SLC8A3: variants seen among roughly 807,000 people sequenced by gnomAD.
The protein encoded by SLC8A3 is sodium/calcium exchanger 3.
In SLC8A3, 37 loss-of-function variants were observed where a neutral mutation model predicts 65.4. The ratio of observed to expected loss-of-function variants is 0.57; its 90% CI spans 0.44 to 0.74. SLC8A3 has a LOEUF of 0.74. Among genes scored for constraint, SLC8A3 ranks in the 30% least tolerant of loss-of-function variants. SLC8A3 has a pLI of 0.00. For synonymous variants in SLC8A3, 461 were observed against 444.5 expected (o/e 1.04, Z -0.47); for missense variants, 1,112 against 1,172.1 (o/e 0.95, Z 0.75).
intron 3 of SLC8A3, chr14:70,055,690 T>G: frequency 1.1e-6 from 1 of 895,486 alleles, no homozygotes; most frequent in Non-Finnish European, 1.7e-6. Context: ...TCAGGTTAAC[T>G]TGAGCCTGCA....
chr14:70,142,112 G>T (rs1007202568), intron 2 of SLC8A3, among the ~76,000 whole-genome samples: 2 of 152,222 alleles, frequency 1.3e-5, no homozygotes, highest in Admixed American at 6.5e-5. Flanking sequence ...AAATCAGAAG[G>T]GTGAGACCCA....
intron 6 of SLC8A3, 190 bp downstream of exon 6, chr14:70,048,577 T>C (rs1887065981): frequency 2.9e-6 from 2 of 685,112 alleles, no homozygotes; most frequent in Non-Finnish European, 5.3e-6. Context: ...ACATTGAAAG[T>C]GCTCAAGAAA....
chr14:70,170,971 A>G (rs1265345544), intron 1 of SLC8A3, among the ~76,000 whole-genome samples: 1 of 152,220 alleles, frequency 6.6e-6, no homozygotes, highest in East Asian at 1.9e-4. Context: ...TCAAAGGTTA[A>G]GAAAGCTCTT....
At chr14:70,055,590 G>T (rs1426616323) in intron 3 of SLC8A3, among the ~76,000 whole-genome samples, 1 of 152,186 alleles carries the variant, frequency 6.6e-6, no homozygotes, top group Admixed American at 6.5e-5. Flanking sequence ...CCAGACAGAA[G>T]TGATGCTCAA....
At chr14:70,130,296 G>A (rs557833463) in intron 2 of SLC8A3, among the ~76,000 whole-genome samples, 37 of 152,276 alleles carry the variant, frequency 2.4e-4, no homozygotes, top group South Asian at 2.1e-4. Context: ...CTCACCTGAC[G>A]TTCACCTGCT....
At position 70,167,761 on chromosome 14, in the gene SLC8A3, A is replaced by G; in HGVS notation, c.662T>C (p.Leu221Pro). The change falls in exon 2 of 7, where the codon CTG (leucine) becomes CCG (proline). Residue 221 changes from leucine to proline, a missense_variant. Coordinates refer to ENST00000356921, the MANE Select transcript of SLC8A3 (RefSeq NM_182932.3). The part of the protein sequence containing the change: ...IFAYIWLYMI[L>P]AVFSPGVVQV... ...GACCACACCAGGGGAGAAGACTGCC[A>G]GAATCATATAGAGCCAGATGTAGGC... is the stretch of plus-strand genomic sequence containing the variant. The G allele has an allele frequency of 6.2e-7, 1 of 1,614,212 alleles. No homozygotes were observed. Among genetic ancestry groups the G allele is most frequent in the Non-Finnish European group, 8.5e-7 (1 of 1,180,040 alleles).
At chr14:70,161,059 A>G (rs1167084653) in intron 2 of SLC8A3, among the ~76,000 whole-genome samples, 1 of 149,882 alleles carries the variant, frequency 6.7e-6, no homozygotes, top group African/African-American at 2.4e-5. Flanking sequence ...ACTGGCTAAC[A>G]TGGTGAAACC....
At chr14:70,074,416 C>G (rs915431858) in intron 2 of SLC8A3, among the ~76,000 whole-genome samples, 1 of 152,206 alleles carries the variant, frequency 6.6e-6, no homozygotes, top group Admixed American at 6.5e-5. Flanking sequence ...TGTCCCAGCT[C>G]GGCTGCAGGA....
chr14:70,071,416 T>C (rs1349280747), intron 2 of SLC8A3, among the ~76,000 whole-genome samples: 2 of 152,184 alleles, frequency 1.3e-5, no homozygotes, highest in Admixed American at 1.3e-4. Context: ...GCCAGAAAGA[T>C]ACGAGCCACA....
At position 70,163,751 on chromosome 14, in the gene SLC8A3, C is replaced by T. The variant is rs1022424864; in HGVS notation, c.1784+2888G>A. 7.9e-5 allele frequency among the ~76,000 whole-genome samples: 12 copies of T among 152,138 alleles called. 1 individual carries two copies. The highest frequency in any genetic ancestry group is 2.7e-4 in the African/African-American group (11 of 41,414). ...GGTCAAGAGCTTCAGAACCTTTCAC[C>T]TCTAAGTTGGGGCCCGCAGCATCCA... On this transcript the variant is annotated intron_variant, in intron 2 of 6. Coordinates refer to ENST00000356921, the MANE Select transcript of SLC8A3 (RefSeq NM_182932.3).
At position 70,089,418 on chromosome 14, in the gene SLC8A3, C is replaced by A. The variant is rs2140049972; in HGVS notation, c.1785-28479G>T. 2.0e-5 allele frequency among the ~76,000 whole-genome samples: 3 copies of A among 152,162 alleles called. No individual in the cohort carries two copies. In the South Asian group the frequency reaches 6.2e-4, roughly 32 times the overall value. On this transcript the variant is annotated intron_variant, in intron 2 of 6. Coordinates refer to ENST00000356921, the MANE Select transcript of SLC8A3 (RefSeq NM_182932.3). ...CTTATGAAATGAATGAAAAGAGATG[C>A]AAGTGAGAAACATTTTGAATATAAG...
intron 2 of SLC8A3, among the ~76,000 whole-genome samples, chr14:70,078,489 T>C (rs1462940498): frequency 2.0e-5 from 3 of 152,224 alleles, no homozygotes; most frequent in African/African-American, 7.2e-5. Flanking sequence ...CCATATTTGC[T>C]GACTTGCAGG....
At chr14:70,172,459 G>A (rs185874368) in intron 1 of SLC8A3, among the ~76,000 whole-genome samples, 2 of 152,276 alleles carry the variant, frequency 1.3e-5, no homozygotes, top group East Asian at 1.9e-4. Flanking sequence ...CCTCCAATCA[G>A]TTTCCAGTCT....
intron 2 of SLC8A3, among the ~76,000 whole-genome samples, chr14:70,123,004 G>A (rs190265375): frequency 5.0e-4 from 75 of 151,264 alleles, no homozygotes; most frequent in African/African-American, 1.2e-3. Flanking sequence ...CCCAGGAGGC[G>A]GAGCTTGCAG....
intron 1 of SLC8A3, among the ~76,000 whole-genome samples, chr14:70,178,881 G>A (rs745631517): frequency 3.9e-5 from 6 of 152,062 alleles, no homozygotes; most frequent in African/African-American, 7.2e-5. Context: ...CAAAACAGCC[G>A]GAAAGTCTCT....
chr14:70,107,333 T>C (rs1030327956), intron 2 of SLC8A3, among the ~76,000 whole-genome samples: 2 of 152,124 alleles, frequency 1.3e-5, no homozygotes, highest in Admixed American at 6.5e-5. Context: ...CTGTGGCTGA[T>C]ACTTTTTATC....
intron 1 of SLC8A3, among the ~76,000 whole-genome samples, chr14:70,171,681 T>C (rs1236481957): frequency 6.6e-6 from 1 of 152,096 alleles, no homozygotes; most frequent in Non-Finnish European, 1.5e-5. Context: ...ACGCCTATAA[T>C]CCCAGCTACT....
At chr14:70,082,128 G>T (rs1891093782) in intron 2 of SLC8A3, among the ~76,000 whole-genome samples, 1 of 152,190 alleles carries the variant, frequency 6.6e-6, no homozygotes, top group South Asian at 2.1e-4. Flanking sequence ...GCTAGGAAGT[G>T]ACAGAACTAG....
At chr14:70,173,070 T>C (rs1156258621) in intron 1 of SLC8A3, among the ~76,000 whole-genome samples, 4 of 152,192 alleles carry the variant, frequency 2.6e-5, no homozygotes, top group Non-Finnish European at 4.4e-5. Context: ...ACTTCACTCA[T>C]GGCAAGCTTT....
Sources: allele counts gnomAD v4.1 joint callset (sites outside exome capture counted in the v4.1 genomes callset), GRCh38; gene constraint gnomAD v4.1.1; transcripts MANE v1.5; gene names NCBI Gene and HGNC (gene_info 2026-07-23, HGNC 2026-07-21).